DPYD: variants seen among roughly 807,000 people sequenced by gnomAD.
DPYD encodes the protein dihydropyrimidine dehydrogenase.
A neutral mutation model predicts 116.2 loss-of-function variants in DPYD; 109 were observed. The ratio of observed to expected loss-of-function variants is 0.94; its 90% CI spans 0.80 to 1.10. The LOEUF (loss-of-function observed/expected upper bound fraction) is 1.10. DPYD is among the 50% of genes least tolerant of loss of function. DPYD has a pLI of 0.00. For synonymous variants in DPYD, 440 were observed against 432.0 expected (o/e 1.02, Z -0.23); for missense variants, 1,302 against 1,254.5 (o/e 1.04, Z -0.57).
chr1:97,854,551 T>C (rs1670724776), intron 2 of DPYD, among the ~76,000 whole-genome samples: 1 of 152,204 alleles, frequency 6.6e-6, no homozygotes, highest in African/African-American at 2.4e-5. Context: ...AACACTAGCA[T>C]GTAGAAAGGC....
chr1:97,419,091 A>G (rs752471271), intron 14 of DPYD, among the ~76,000 whole-genome samples: 1 of 152,142 alleles, frequency 6.6e-6, no homozygotes, highest in Non-Finnish European at 1.5e-5. Context: ...TGCTTCCTAG[A>G]CAACCCAATG....
intron 3 of DPYD, among the ~76,000 whole-genome samples, chr1:97,823,679 T>A (rs962422933): frequency 1.3e-5 from 2 of 152,106 alleles, no homozygotes; most frequent in Non-Finnish European, 2.9e-5. Flanking sequence ...AGCTTTTTTT[T>A]TTATTATTGG....
chr1:97,551,081 G>T (rs763043600), intron 11 of DPYD, among the ~76,000 whole-genome samples: 5 of 152,226 alleles, frequency 3.3e-5, no homozygotes, highest in Non-Finnish European at 5.9e-5. Context: ...TGGAGCAGAG[G>T]ACACTCAATT....
chr1:97,849,485 G>A (rs773182944), intron 2 of DPYD, among the ~76,000 whole-genome samples: 1 of 151,784 alleles, frequency 6.6e-6, no homozygotes, highest in African/African-American at 2.4e-5. Context: ...CTGTAAAAGA[G>A]CCATTTCTAC....
intron 18 of DPYD, among the ~76,000 whole-genome samples, chr1:97,274,286 C>A (rs1664783087): frequency 6.6e-6 from 1 of 152,100 alleles, no homozygotes. Flanking sequence ...GCAGATCTCT[C>A]ATGAAGGGTG....
At chr1:97,516,236 T>C (rs971986614) in intron 12 of DPYD, among the ~76,000 whole-genome samples, 6 of 151,970 alleles carry the variant, frequency 3.9e-5, no homozygotes, top group African/African-American at 1.4e-4. Context: ...AATTTTAGAA[T>C]TTTTCTCCCT....
At chr1:97,523,888 TAAA>T (rs746818297) in intron 12 of DPYD, among the ~76,000 whole-genome samples, 2 of 152,006 alleles carry the variant, frequency 1.3e-5, no homozygotes, top group Non-Finnish European at 2.9e-5. Flanking sequence ...TTTTGCAAGG[TAAA>T]AAAGTTCTGG....
At position 97,545,766 on chromosome 1, in the gene DPYD, C is replaced by A. The variant is rs1017910597; in HGVS notation, c.1524+3794G>T. The A allele has an allele frequency of 7.7e-6, 12 of 1,555,074 alleles. No individual in the cohort carries two copies. In the Admixed American group the frequency reaches 8.6e-5, roughly 11 times the overall value. On this transcript the variant is annotated intron_variant, in intron 12 of 22. Transcript: ENST00000370192. ...AATTTCGTGCTCCAACTTTGGCATC[C>A]CTAGAAAACTGCATGAAGCTTTCTC...
intron 20 of DPYD, among the ~76,000 whole-genome samples, chr1:97,170,761 C>T (rs1044934939): frequency 4.6e-5 from 7 of 151,842 alleles, no homozygotes; most frequent in Non-Finnish European, 8.8e-5. Context: ...CTGCAACCTC[C>T]GCCTCCTGGG....
At chr1:97,407,413 C>T (rs930340388) in intron 14 of DPYD, among the ~76,000 whole-genome samples, 1 of 152,042 alleles carries the variant, frequency 6.6e-6, no homozygotes, top group African/African-American at 2.4e-5. Context: ...ATGTTTAATG[C>T]ATGTTCAATT....
intron 8 of DPYD, among the ~76,000 whole-genome samples, chr1:97,597,417 C>A (rs1000949422): frequency 6.6e-6 from 1 of 152,106 alleles, no homozygotes; most frequent in African/African-American, 2.4e-5. Flanking sequence ...TGTCACTAGA[C>A]AGACTTTGGT....
chr1:97,592,845 T>G (rs1362402571), intron 10 of DPYD, among the ~76,000 whole-genome samples: 1 of 152,174 alleles, frequency 6.6e-6, no homozygotes, highest in Non-Finnish European at 1.5e-5. Flanking sequence ...TTACGGAAAA[T>G]TCCGTATGTG....
chr1:97,391,469 G>A (rs898089502), intron 14 of DPYD, among the ~76,000 whole-genome samples: 1 of 151,910 alleles, frequency 6.6e-6, no homozygotes, highest in Non-Finnish European at 1.5e-5. Flanking sequence ...AAATTACCTA[G>A]AGAGTTAAAA....
At chr1:97,868,870 T>C (rs570311251) in intron 2 of DPYD, among the ~76,000 whole-genome samples, 1 of 151,950 alleles carries the variant, frequency 6.6e-6, no homozygotes, top group South Asian at 2.1e-4. Flanking sequence ...TTAGGATTTT[T>C]TGGTTGTCTA....
chr1:97,344,497 T>G (rs1477745463), intron 16 of DPYD, among the ~76,000 whole-genome samples: 1 of 151,926 alleles, frequency 6.6e-6, no homozygotes, highest in Non-Finnish European at 1.5e-5. Context: ...CTTTAAACCC[T>G]ATGTTTATAT....
intron 11 of DPYD, among the ~76,000 whole-genome samples, chr1:97,561,925 T>C (rs1327566750): frequency 6.6e-6 from 1 of 152,200 alleles, no homozygotes; most frequent in Non-Finnish European, 1.5e-5. Context: ...CTCTCTACCC[T>C]GTATGTTACA....
intron 5 of DPYD, chr1:97,719,684 C>G (rs760601819): frequency 1.0e-6 from 1 of 984,144 alleles, no homozygotes; most frequent in East Asian, 1.1e-4. Context: ...CACACACTGA[C>G]CTAGGGAATA....
intron 12 of DPYD, among the ~76,000 whole-genome samples, chr1:97,537,838 G>A (rs1163226780): frequency 6.6e-6 from 1 of 152,186 alleles, no homozygotes; most frequent in Non-Finnish European, 1.5e-5. Context: ...CATGAATGAT[G>A]TAACTTTCAA....
At chr1:97,365,704 C>T (rs935581861) in intron 16 of DPYD, among the ~76,000 whole-genome samples, 2 of 152,028 alleles carry the variant, frequency 1.3e-5, no homozygotes, top group African/African-American at 2.4e-5. Context: ...CTCAGTTCAC[C>T]GCAACCTCCG....
Sources: gnomAD v4.1 joint callset for allele counts (sites outside exome capture counted in the v4.1 genomes callset) on GRCh38, gnomAD v4.1.1 for gene constraint, MANE v1.5 for transcripts, NCBI Gene and HGNC (gene_info 2026-07-23, HGNC 2026-07-21) for gene names.